The following NINL variants were observed in gnomAD, a reference collection of about 807,000 sequenced individuals.
NINL encodes ninein-like protein.
Under a neutral mutation model 160.3 loss-of-function variants are expected in NINL, and 153 were observed. The ratio of observed to expected loss-of-function variants is 0.95; its 90% CI spans 0.84 to 1.09. The LOEUF (loss-of-function observed/expected upper bound fraction) is 1.09, where lower values mean the gene tolerates loss of function less well. Among genes scored for constraint, NINL ranks in the 50% least tolerant of loss-of-function variants. The pLI, the probability that NINL is intolerant of heterozygous loss-of-function variation, is 0.00. For missense variants in NINL, 1,829 were observed against 1,764.0 expected, an observed-to-expected ratio of 1.04 and a Z score of -0.66; for synonymous variants, 800 against 734.8, an observed-to-expected ratio of 1.09 and a Z score of -1.43.
At chr20:25,467,491 C>T (rs2062944625) in intron 18 of NINL, 33 bp from the exon 19 acceptor site, 1 of 1,543,226 alleles carries the variant, frequency 6.5e-7, no homozygotes. Context: ...AGTGATACCA[C>T]TTGTGACCAA....
intron 11 of NINL, among the ~76,000 whole-genome samples, chr20:25,491,028 T>C (rs966072774): frequency 2.6e-4 from 40 of 152,328 alleles, no homozygotes; most frequent in African/African-American, 9.6e-4. Flanking sequence ...GCTGCCCCCA[T>C]GGGTGTTCCT....
chr20:25,538,582 C>A (rs2064602104), intron 1 of NINL, among the ~76,000 whole-genome samples: 1 of 152,166 alleles, frequency 6.6e-6, no homozygotes, highest in Non-Finnish European at 1.5e-5. Context: ...GCTGGCCAAC[C>A]ATGGCATGGC....
intron 2 of NINL, among the ~76,000 whole-genome samples, chr20:25,524,063 G>A (rs753198985): frequency 1.3e-5 from 2 of 152,302 alleles, no homozygotes; most frequent in Admixed American, 6.5e-5. Context: ...ACACCTATAC[G>A]GATATTTCTG....
At chr20:25,543,196 C>T (rs992304156) in intron 1 of NINL, among the ~76,000 whole-genome samples, 1 of 152,092 alleles carries the variant, frequency 6.6e-6, no homozygotes, top group Non-Finnish European at 1.5e-5. Context: ...AAATACCCAC[C>T]CACCTGTTAG....
At chr20:25,480,687 T>C (rs2063369205) in intron 14 of NINL, among the ~76,000 whole-genome samples, 1 of 152,154 alleles carries the variant, frequency 6.6e-6, no homozygotes, top group Non-Finnish European at 1.5e-5. Flanking sequence ...TATCTATCTA[T>C]TTAGATAACC....
chr20:25,462,244 C>T, intron 20 of NINL, 139 bp downstream of exon 20: 1 of 728,898 alleles, frequency 1.4e-6, no homozygotes, highest in Admixed American at 3.0e-5. Flanking sequence ...GCACAGTCCA[C>T]CTACTTCTCC....
Position 25,512,895 on chromosome 20 carries a change from T to C in NINL, c.389A>G (p.Gln130Arg). The change falls in exon 4 of 24, where the codon CAG becomes CGG. Residue 130 changes from glutamine to arginine, a missense_variant. Physicochemically the swap from Gln to Arg is conservative, Grantham distance 43 (BLOSUM62 1). Transcript: ENST00000278886. The part of the protein sequence containing the change: ...AATEARRVPE[Q>R]QTQASLKSHL... Reference sequence around the variant, plus strand: ...ACTTTTCAGGCTGGCCTGGGTTTGCTGCTCCGGCACGCGTCTGGCTTCTGT... The same window carrying C: ...ACTTTTCAGGCTGGCCTGGGTTTGCCGCTCCGGCACGCGTCTGGCTTCTGT... 2 of 1,614,226 alleles carry C rather than the reference T, an allele frequency of 1.2e-6. No homozygotes were observed. Among genetic ancestry groups the C allele is most frequent in the South Asian group, 1.1e-5 (1 of 91,090 alleles).
intron 7 of NINL, among the ~76,000 whole-genome samples, chr20:25,501,740 C>A (rs1331218613): frequency 6.6e-6 from 1 of 152,160 alleles, no homozygotes; most frequent in East Asian, 1.9e-4. Context: ...CTCAAGTGAT[C>A]CTCCTGCTCA....
At chr20:25,560,293 G>T (rs1178226496) in intron 1 of NINL, among the ~76,000 whole-genome samples, 1 of 152,150 alleles carries the variant, frequency 6.6e-6, no homozygotes, top group East Asian at 1.9e-4. Context: ...GACAGAAGTT[G>T]GTCTGAGACT....
Position 25,476,566 on chromosome 20 carries a change from T to A in NINL, c.2725A>T (p.Met909Leu), listed in dbSNP as rs765901549. 59 of 1,599,294 alleles carry A rather than the reference T, an allele frequency of 3.7e-5. No homozygotes were observed. The highest frequency in any genetic ancestry group is 5.0e-5 in the Non-Finnish European group (59 of 1,179,694). ...TCCCCATCCACTCCACAGGGCTGCA[T>A]GCGTGACCACCTCTCTGAGGGGCCG... Reference protein sequence around the residue: ...SHGPSERWSRMQPCGVDGDIV... With the variant: ...SHGPSERWSRLQPCGVDGDIV... Residue 909 changes from methionine (M) to leucine (L), a missense_variant, in exon 17 of 24, where the codon ATG becomes TTG. By Grantham distance (15) the Met-to-Leu change is conservative. Coordinates refer to ENST00000278886, the MANE Select transcript of NINL (RefSeq NM_025176.6).
At chr20:25,478,733 T>G in intron 16 of NINL, 190 bp downstream of exon 16, 1 of 571,560 alleles carries the variant, frequency 1.7e-6, no homozygotes, top group Non-Finnish European at 3.0e-6. Flanking sequence ...CATGATCCAA[T>G]GTATATTTTA....
At chr20:25,467,542 G>A (rs1423472028) in intron 18 of NINL, 84 bp from the exon 19 acceptor site, 2 of 1,043,700 alleles carry the variant, frequency 1.9e-6, no homozygotes, top group African/African-American at 3.1e-5. Context: ...GGTAAGAGCA[G>A]CATGGGGGTT....
At position 25,506,119 on chromosome 20, in the gene NINL, G is replaced by A. The variant is rs975217593; in HGVS notation, c.518-1041C>T. Among the ~76,000 whole-genome samples, 10 of 152,236 alleles carry A rather than the reference G, an allele frequency of 6.6e-5. 1 individual carries two copies. The highest frequency in any genetic ancestry group is 6.8e-3 in the Middle Eastern group (2 of 294). On this transcript the variant is annotated intron_variant, in intron 5 of 23. Transcript: ENST00000278886. ...TCTACTAAAAATACAAAAATTAGCC[G>A]GGTGTGATGGCAGCCGCCTGGAATC...
chr20:25,569,721 A>G (rs2065033295), intron 1 of NINL, among the ~76,000 whole-genome samples: 1 of 152,198 alleles, frequency 6.6e-6, no homozygotes, highest in African/African-American at 2.4e-5. Flanking sequence ...CCTGGTGTGG[A>G]GCAAGCACGG....
intron 5 of NINL, among the ~76,000 whole-genome samples, chr20:25,508,920 CCT>C (rs1261368586): frequency 2.6e-5 from 4 of 152,226 alleles, no homozygotes; most frequent in Admixed American, 2.0e-4. Flanking sequence ...ATGACACCCC[CCT>C]GTTCTAACTT....
intron 7 of NINL, among the ~76,000 whole-genome samples, chr20:25,503,017 T>G (rs1163351392): frequency 2.0e-5 from 3 of 152,250 alleles, no homozygotes; most frequent in African/African-American, 4.8e-5. Flanking sequence ...GGAGTTTTCT[T>G]GCTGGGGCAT....
chr20:25,476,945 C>T lies in NINL; in HGVS notation c.2346G>A (p.Glu782=). The change falls in exon 17 of 24, where the codon GAG becomes GAA. Residue 782 remains glutamate, a synonymous_variant. Transcript: ENST00000278886. ...CACAGGGCTGCAGCTTCAGTGCCCT[C>T]TCCAGCTCCAGCTGCTCCGACCTCT... is the stretch of plus-strand genomic sequence containing the variant. The part of the protein sequence containing the change: ...GSQRSEQLEL[E]RALKLQPCAS... 1 of 1,610,606 alleles carries T rather than the reference C, an allele frequency of 6.2e-7. No individual in the cohort carries two copies. The highest frequency in any genetic ancestry group is 2.2e-5 in the East Asian group (1 of 44,866).
At chr20:25,514,489 C>A (rs1164421328) in intron 3 of NINL, among the ~76,000 whole-genome samples, 1 of 152,178 alleles carries the variant, frequency 6.6e-6, no homozygotes, top group Non-Finnish European at 1.5e-5. Flanking sequence ...TGCAGCCTGG[C>A]CATGTGGTAG....
In NINL at chr20:25,503,942, T is replaced by C. The variant is rs761853192; in HGVS notation, c.861+10A>G. On this transcript the variant is annotated intron_variant, in intron 7 of 23. Transcript: ENST00000278886. Reference sequence around the variant, plus strand: ...GTTGCTGGGTTCAGGATTTAACTGTTGCATTTTACCTGGTAATGAGACCAA... The same window carrying C: ...GTTGCTGGGTTCAGGATTTAACTGTCGCATTTTACCTGGTAATGAGACCAA... 6.2e-7 allele frequency: 1 copy of C among 1,614,116 alleles called. No homozygotes were observed. The highest frequency in any genetic ancestry group is 8.5e-7 in the Non-Finnish European group (1 of 1,180,006).
Sources: allele counts gnomAD v4.1 joint callset (sites outside exome capture counted in the v4.1 genomes callset), GRCh38; gene constraint gnomAD v4.1.1; transcripts MANE v1.5; gene names NCBI Gene and HGNC (gene_info 2026-07-23, HGNC 2026-07-21).